LIPA: variants seen among roughly 807,000 people sequenced by gnomAD.
The protein encoded by LIPA is lipase A, lysosomal acid type, also known as lysosomal acid lipase/cholesteryl ester hydrolase.
LIPA carries 26 observed loss-of-function variants against 40.6 expected under a neutral mutation model. The ratio of observed to expected loss-of-function variants is 0.64; its 90% CI spans 0.47 to 0.89. The LOEUF is 0.89. Ranked by LOEUF, LIPA falls within the 40% of genes least tolerant of loss-of-function variation. The pLI, the probability that LIPA is intolerant of heterozygous loss-of-function variation, is 0.00. For missense variants in LIPA, 455 were observed against 479.6 expected (o/e 0.95, Z 0.48); for synonymous variants, 188 against 168.4 (o/e 1.12, Z -0.90).
chr10:89,289,218 C>T lies in LIPA; in HGVS notation c.-1-41569G>A, dbSNP rs150967481. ...AGGAAAATATCTCCTTCCAGCCTCACGGGCCCATTCTATTCTATCGTCATT... is the reference window on the plus strand; with the variant it reads ...AGGAAAATATCTCCTTCCAGCCTCATGGGCCCATTCTATTCTATCGTCATT... On this transcript the variant is annotated intron_variant, in intron 1 of 5. Coordinates refer to the LIPA transcript ENST00000282673. Among the ~76,000 whole-genome samples the T allele has an allele frequency of 9.3e-3, 1,415 of 152,362 alleles. 5 individuals are homozygous for T. The highest frequency in any genetic ancestry group is 0.024 in the Middle Eastern group (7 of 294).
chr10:89,218,982 A>C (rs1842662559), intron 8 of LIPA, among the ~76,000 whole-genome samples: 1 of 152,210 alleles, frequency 6.6e-6, no homozygotes, highest in South Asian at 2.1e-4. Context: ...TTATATTACA[A>C]AACTGTAAGA....
intron 1 of LIPA, among the ~76,000 whole-genome samples, chr10:89,413,624 C>T (rs370007994): frequency 2.0e-5 from 3 of 151,890 alleles, no homozygotes; most frequent in South Asian, 4.2e-4. Context: ...TTAATTAGCC[C>T]GACATAGTGG....
intron 3 of LIPA, among the ~76,000 whole-genome samples, chr10:89,232,907 G>A (rs775983468): frequency 2.0e-5 from 3 of 152,200 alleles, no homozygotes; most frequent in Non-Finnish European, 4.4e-5. Flanking sequence ...CAGTTTTCCT[G>A]GGAGGTGAGT....
chr10:89,244,640 T>C (rs973734403), intron 3 of LIPA, among the ~76,000 whole-genome samples: 1 of 152,134 alleles, frequency 6.6e-6, no homozygotes, highest in Non-Finnish European at 1.5e-5. Flanking sequence ...AAAGATTAGA[T>C]CCTTCTTCTG....
chr10:89,269,058 T>C (rs4934462), intron 1 of LIPA, among the ~76,000 whole-genome samples: 112,245 of 151,630 alleles, frequency 0.74, 42,674 homozygotes, highest in East Asian at 0.97. Flanking sequence ...GGCACGGTGG[T>C]TCACACCTCT....
intron 1 of LIPA, chr10:89,338,562 C>T: frequency 8.8e-7 from 1 of 1,133,840 alleles, no homozygotes; most frequent in Non-Finnish European, 1.3e-6. Flanking sequence ...AATATCTGGG[C>T]ATCCTGTGGC....
At chr10:89,276,803 A>C (rs1414645697) in intron 1 of LIPA, among the ~76,000 whole-genome samples, 1 of 152,210 alleles carries the variant, frequency 6.6e-6, no homozygotes, top group Non-Finnish European at 1.5e-5. Context: ...TTTTTAATTG[A>C]AAATTAGAAT....
rs1320825080 is a variant in LIPA, at chr10:89,328,158, T to C, written c.-2+14453A>G. 5 of 1,244,028 alleles carry C rather than the reference T, an allele frequency of 4.0e-6. No homozygotes were observed. In the African/African-American group the frequency reaches 7.4e-5, roughly 18 times the overall value. 77.1% of individuals were successfully genotyped at this position (1,244,028 alleles called of 1,614,324 possible). On this transcript the variant is annotated intron_variant, in intron 1 of 5. Coordinates refer to the LIPA transcript ENST00000282673. The stretch of plus-strand genomic sequence containing the variant: ...TGAGTTTCTTACTGTGCAGGCACAT[T>C]CCTGAATTGTCCTGATGTTTATAGA...
chr10:89,320,048 G>A (rs1466626640), intron 1 of LIPA, among the ~76,000 whole-genome samples: 1 of 152,118 alleles, frequency 6.6e-6, no homozygotes, highest in Non-Finnish European at 1.5e-5. Context: ...CAATAAACTA[G>A]GTATTGATGG....
chr10:89,241,486 A>G (rs1842964408), intron 3 of LIPA, among the ~76,000 whole-genome samples: 1 of 152,212 alleles, frequency 6.6e-6, no homozygotes, highest in Non-Finnish European at 1.5e-5. Flanking sequence ...TAGTTTCTTT[A>G]GAAGTGAAGG....
At chr10:89,338,717 C>T (rs1415010632) in intron 1 of LIPA, 1 of 1,613,512 alleles carries the variant, frequency 6.2e-7, no homozygotes, top group Non-Finnish European at 8.5e-7. Context: ...TGCCATTTCA[C>T]CTGGAACTTA....
chr10:89,339,195 G>A, intron 1 of LIPA: 1 of 1,614,202 alleles, frequency 6.2e-7, no homozygotes, highest in Non-Finnish European at 8.5e-7. Context: ...CAATTGCGAT[G>A]TACCATCTGG....
At chr10:89,371,654 C>T (rs951375227) in intron 2 of LIPA, among the ~76,000 whole-genome samples, 2 of 152,092 alleles carry the variant, frequency 1.3e-5, no homozygotes, top group Non-Finnish European at 2.9e-5. Context: ...GTTTGCTGAA[C>T]GTTTGAACTG....
upstream of LIPA, among the ~76,000 whole-genome samples, chr10:89,253,371 T>A (rs1379389515): frequency 6.6e-6 from 1 of 152,192 alleles, no homozygotes; most frequent in East Asian, 1.9e-4. Flanking sequence ...TGGCGGCACA[T>A]GTGAGAGAAA....
intron 1 of LIPA, among the ~76,000 whole-genome samples, chr10:89,311,131 C>T (rs1232748582): frequency 6.6e-6 from 1 of 152,132 alleles, no homozygotes; most frequent in African/African-American, 2.4e-5. Context: ...ACAGATATTA[C>T]AGAGCAAAGG....
At chr10:89,376,894 A>G (rs1844125984) in intron 2 of LIPA, among the ~76,000 whole-genome samples, 1 of 152,208 alleles carries the variant, frequency 6.6e-6, no homozygotes, top group African/African-American at 2.4e-5. Flanking sequence ...GCCCAGGACA[A>G]AGAAGAAATA....
chr10:89,279,580 G>A lies in LIPA; in HGVS notation c.-1-31931C>T, dbSNP rs143993382. ...ACCCTTGATTGGAGACCAGGGCTTCGAGCCAAACCACAAGGGATGATAGAG... is the reference window on the plus strand; with the variant it reads ...ACCCTTGATTGGAGACCAGGGCTTCAAGCCAAACCACAAGGGATGATAGAG... On this transcript the variant is annotated intron_variant, in intron 1 of 5. Transcript: ENST00000282673. 6.6e-5 allele frequency among the ~76,000 whole-genome samples: 10 copies of A among 152,302 alleles called. No homozygotes were observed. The East Asian group carries it at 1.5e-3, about 24-fold the overall frequency.
chr10:89,393,336 C>T (rs182425254), intron 2 of LIPA: 1,050 of 1,273,576 alleles, frequency 8.2e-4, no homozygotes, highest in Non-Finnish European at 9.9e-4. Flanking sequence ...AAAATCTAGG[C>T]TCTTGGTACG....
chr10:89,385,394 C>T (rs1192816758), intron 2 of LIPA, among the ~76,000 whole-genome samples: 1 of 152,180 alleles, frequency 6.6e-6, no homozygotes, highest in Non-Finnish European at 1.5e-5. Context: ...CACAACACAT[C>T]CCTGCATTCA....
Sources: allele counts gnomAD v4.1 joint callset (sites outside exome capture counted in the v4.1 genomes callset), GRCh38; gene constraint gnomAD v4.1.1; transcripts MANE v1.5; gene names NCBI Gene and HGNC (gene_info 2026-07-23, HGNC 2026-07-21).